TUBGCP2: variants seen among roughly 807,000 people sequenced by gnomAD.
TUBGCP2 encodes the protein gamma-tubulin complex component 2.
Under a neutral mutation model 92.2 loss-of-function variants are expected in TUBGCP2, and 55 were observed. The observed-to-expected ratio is 0.60, with a 90% CI of 0.48 to 0.75. The LOEUF (loss-of-function observed/expected upper bound fraction) is 0.75. TUBGCP2 is among the 30% of genes least tolerant of loss of function. The pLI, the probability that TUBGCP2 is intolerant of heterozygous loss-of-function variation, is 0.00. For missense variants in TUBGCP2, 1,093 were observed against 1,188.9 expected (o/e 0.92, Z 1.19); for synonymous variants, 533 against 505.2 (o/e 1.06, Z -0.74).
In TUBGCP2 at chr10:133,281,517, G is replaced by C. The variant is rs562845171; in HGVS notation, c.2410-81C>G. ...GGCTCCACACTGTTCCCAGCAGGCCGGTGTCCTTTCCCTTCCCCTTTTCTT... is the reference window on the plus strand; with the variant it reads ...GGCTCCACACTGTTCCCAGCAGGCCCGTGTCCTTTCCCTTCCCCTTTTCTT... On this transcript the variant is annotated intron_variant, in intron 16 of 17. Coordinates refer to ENST00000252936, the MANE Select transcript of TUBGCP2 (RefSeq NM_006659.4). 13 of 1,512,926 alleles carry C rather than the reference G, an allele frequency of 8.6e-6. No homozygotes were observed. In the South Asian group the frequency reaches 1.6e-4, roughly 19 times the overall value. 93.7% of individuals were successfully genotyped at this position (1,512,926 alleles called of 1,614,324 possible).
Position 133,285,097 on chromosome 10 carries a change from T to A in TUBGCP2, c.2012A>T (p.His671Leu). The change falls in exon 13 of 18, where the codon CAC becomes CTC. Residue 671 changes from histidine (H) to leucine (L), a missense_variant. Transcript: ENST00000252936. The surrounding 1 kb of genome is among the most constrained non-coding windows in gnomAD (Gnocchi z 6.8). ...AGGAAGAACGCACCACTGGGCGGAG[T>A]GCAGCGAGTGCTGCTTGGCGGTTTT... ...SNKTAKQHSL[H>L]SAQWFAGAFT... 3 of 1,607,204 alleles carry A rather than the reference T, an allele frequency of 1.9e-6. No homozygotes were observed. Among genetic ancestry groups the A allele is most frequent in the South Asian group, 1.1e-5 (1 of 90,908 alleles).
At chr10:133,303,708 A>T (rs1239416024) in intron 1 of TUBGCP2, among the ~76,000 whole-genome samples, 4 of 151,148 alleles carry the variant, frequency 2.6e-5, no homozygotes, top group Non-Finnish European at 5.9e-5. Flanking sequence ...TTACTTTTTC[A>T]CTCTGGTACC....
Position 133,285,003 on chromosome 10 carries a change from C to T in TUBGCP2, c.2024+82G>A. 6.6e-7 allele frequency: 1 copy of T among 1,509,914 alleles called. No homozygotes were observed. Among genetic ancestry groups the T allele is most frequent in the Non-Finnish European group, 8.8e-7 (1 of 1,130,946 alleles). The allele number at this position is 1,509,914 out of a possible 1,614,324, so 93.5% of individuals were successfully genotyped here. A position where few individuals can be genotyped will look rare whatever the true frequency, so the allele number is the denominator to read the frequency against. The stretch of plus-strand genomic sequence containing the variant: ...CCTAGAAAGCTGTCTACCAGGAGGG[C>T]ACAAGGGGGGCGCTGCACCACTGGG... On this transcript the variant is annotated intron_variant, in intron 13 of 17. Coordinates refer to ENST00000252936, the MANE Select transcript of TUBGCP2 (RefSeq NM_006659.4). The surrounding 1 kb of genome is among the most constrained non-coding windows in gnomAD (Gnocchi z 6.8).
intron 1 of TUBGCP2, among the ~76,000 whole-genome samples, chr10:133,307,142 T>C (rs3008354): frequency 0.21 from 32,169 of 152,246 alleles, 4,331 homozygotes; most frequent in African/African-American, 0.37. Context: ...TAGCCGTGGC[T>C]GCTTCTTGGA....
At chr10:133,283,266 C>CA in intron 14 of TUBGCP2, 45 bp from the exon 15 acceptor site, 2 of 1,612,140 alleles carry the variant, frequency 1.2e-6, no homozygotes, top group East Asian at 2.2e-5. Context: ...ACGTGGCTGA[C>CA]AGACGGGCCC....
Position 133,281,363 on chromosome 10 carries a change from T to C in TUBGCP2, c.2483A>G (p.Asn828Ser). Residue 828 changes from asparagine to serine, a missense_variant, in exon 17 of 18, where the codon AAC becomes AGC. Coordinates refer to ENST00000252936, the MANE Select transcript of TUBGCP2 (RefSeq NM_006659.4). ...FEATINKFDK[N>S]FSAHLLDLLA... Reference sequence around the variant, plus strand: ...GAGGTCCAGCAGGTGGGCTGAGAAGTTCTTGTCAAACTTGTTGATGGTGGC... The same window carrying C: ...GAGGTCCAGCAGGTGGGCTGAGAAGCTCTTGTCAAACTTGTTGATGGTGGC... 6.2e-7 allele frequency: 1 copy of C among 1,613,752 alleles called. No homozygotes were observed. Among genetic ancestry groups the C allele is most frequent in the Non-Finnish European group, 8.5e-7 (1 of 1,179,980 alleles).
upstream of TUBGCP2, chr10:133,311,526 A>G (rs1847987500): frequency 1.7e-6 from 1 of 577,872 alleles, no homozygotes; most frequent in South Asian, 2.3e-5. Context: ...TATATAAACA[A>G]TGGCCTTGCT....
chr10:133,287,804 C>T (rs758307260), intron 11 of TUBGCP2, among the ~76,000 whole-genome samples: 1 of 152,132 alleles, frequency 6.6e-6, no homozygotes, highest in African/African-American at 2.4e-5. Context: ...AACACCACTC[C>T]TGAAACCCTT....
At position 133,282,347 on chromosome 10, in the gene TUBGCP2, G is replaced by C. The variant is rs112390120; in HGVS notation, c.2290-5C>G. 3.0e-5 allele frequency: 47 copies of C among 1,584,304 alleles called. No individual in the cohort carries two copies. Among genetic ancestry groups the C allele is most frequent in the Admixed American group, 7.3e-5 (4 of 54,904 alleles). On this transcript the variant is annotated splice_polypyrimidine_tract_variant and splice_region_variant and intron_variant, in intron 15 of 17. Transcript: ENST00000252936. ...TTTCATGCTCTGTGTAAATTTCTAG[G>C]GGGGGAGAGTCGCAAGGAAATGCTT... is the stretch of plus-strand genomic sequence containing the variant.
At position 133,302,865 on chromosome 10, in the gene TUBGCP2, T is replaced by C. The variant is rs764922960; in HGVS notation, c.77A>G (p.Glu26Gly). The C allele has an allele frequency of 6.2e-7, 1 of 1,613,988 alleles. No homozygotes were observed. Among genetic ancestry groups the C allele is most frequent in the Admixed American group, 1.7e-5 (1 of 60,026 alleles). ...LLRVHGGDGA[E>G]VYIDLLQKNR... ...CTTTTGAAGCAGGTCAATGTAGACC[T>C]CAGCCCCATCTCCTCCGTGGACACG... is the stretch of plus-strand genomic sequence containing the variant. The change falls in exon 2 of 18, where the codon GAG (glutamate) becomes GGG (glycine). Residue 26 changes from glutamate (E) to glycine (G), a missense_variant. By Grantham distance (98) the Glu-to-Gly change is moderately conservative (BLOSUM62 -2). Coordinates refer to ENST00000252936, the MANE Select transcript of TUBGCP2 (RefSeq NM_006659.4).
Position 133,284,022 on chromosome 10 carries a change from G to T in TUBGCP2, c.2025-20C>A. On this transcript the variant is annotated intron_variant, in intron 13 of 17. Transcript: ENST00000252936. ...GCAAACCTGAGTGACACGGAGGACG[G>T]AGGACAGCCATGGAGGACGCGGCCC... The T allele has an allele frequency of 6.2e-7, 1 of 1,612,104 alleles. No individual in the cohort carries two copies. Among genetic ancestry groups the T allele is most frequent in the Non-Finnish European group, 8.5e-7 (1 of 1,179,154 alleles).
At chr10:133,303,677 A>C (rs560448847) in intron 1 of TUBGCP2, among the ~76,000 whole-genome samples, 1 of 152,308 alleles carries the variant, frequency 6.6e-6, no homozygotes, top group African/African-American at 2.4e-5. Flanking sequence ...CCGCAGCTCC[A>C]TTCACTTGGC....
At chr10:133,287,484 G>A (rs2136114471) in intron 11 of TUBGCP2, among the ~76,000 whole-genome samples, 1 of 152,318 alleles carries the variant, frequency 6.6e-6, no homozygotes, top group South Asian at 2.1e-4. Context: ...GCTCATGCCT[G>A]TAATCCCAGC....
Position 133,302,914 on chromosome 10 carries a change from C to T in TUBGCP2, c.28G>A (p.Val10Ile), listed in dbSNP as rs777557673. Reference sequence around the variant, plus strand: ...CGCAGCAGGCTAAGCAGTTCATTGACGTCATGGTGAATCCGAAATTCACTC... The same window carrying T: ...CGCAGCAGGCTAAGCAGTTCATTGATGTCATGGTGAATCCGAAATTCACTC... MSEFRIHHD[V>I]NELLSLLRVH... Residue 10 changes from valine (V) to isoleucine (I), a missense_variant, in exon 2 of 18, where the codon GTC becomes ATC. Val to Ile is a conservative substitution (Grantham distance 29, BLOSUM62 3). Around this residue, in one of 3 missense-constraint regions of TUBGCP2, gnomAD observed 490 missense variants for 488.5 expected, o/e 1.00. Coordinates refer to ENST00000252936, the MANE Select transcript of TUBGCP2 (RefSeq NM_006659.4). The T allele has an allele frequency of 4.3e-6, 7 of 1,614,056 alleles. No homozygotes were observed. The South Asian group carries it at 4.4e-5, about 10-fold the overall frequency.
upstream of TUBGCP2, chr10:133,312,029 G>A (rs1206135540): frequency 2.3e-5 from 35 of 1,535,520 alleles, no homozygotes; most frequent in Middle Eastern, 8.6e-4. Context: ...AGTTTCTCTC[G>A]CATACTCTGT....
At chr10:133,286,752 T>C (rs1847143552) in intron 11 of TUBGCP2, among the ~76,000 whole-genome samples, 1 of 151,970 alleles carries the variant, frequency 6.6e-6, no homozygotes, top group Non-Finnish European at 1.5e-5. Flanking sequence ...AACCAGAAAC[T>C]TCACAAACAT....
In TUBGCP2 at chr10:133,298,064, T is replaced by G; in HGVS notation, c.504A>C (p.Lys168Asn). The stretch of plus-strand genomic sequence containing the variant: ...AGATGGGGAGGTGCTGGCCTGAATT[T>G]TTTTTGTTCTGCTTGTCTCGAAGCA... ...RKMLRDKQNK[K>N]NSGQHLPIFP... The change falls in exon 5 of 18, where the codon AAA (lysine) becomes AAC (asparagine). Residue 168 changes from lysine to asparagine, a missense_variant. By Grantham distance (94) the Lys-to-Asn change is moderately conservative. Coordinates refer to ENST00000252936, the MANE Select transcript of TUBGCP2 (RefSeq NM_006659.4). 6.2e-7 allele frequency: 1 copy of G among 1,614,206 alleles called. No individual in the cohort carries two copies. The highest frequency in any genetic ancestry group is 8.5e-7 in the Non-Finnish European group (1 of 1,180,038).
At chr10:133,306,949 T>G (rs1388478530) in intron 1 of TUBGCP2, among the ~76,000 whole-genome samples, 2 of 152,168 alleles carry the variant, frequency 1.3e-5, no homozygotes, top group African/African-American at 4.8e-5. Context: ...CAGCCCGTAC[T>G]CGCACAGAGT....
chr10:133,293,777 C>A lies in TUBGCP2; in HGVS notation c.617-8G>T, dbSNP rs951807093. The A allele has an allele frequency of 6.4e-7, 1 of 1,574,306 alleles. No individual in the cohort carries two copies. The highest frequency in any genetic ancestry group is 1.9e-5 in the Admixed American group (1 of 53,572). On this transcript the variant is annotated splice_polypyrimidine_tract_variant and splice_region_variant and intron_variant, in intron 5 of 17. Transcript: ENST00000252936. ...AGGCCAGGGGCAACGTGCCTGCGGG[C>A]ACAGACAGCGCTGTGGCTCTGCAGC... is the stretch of plus-strand genomic sequence containing the variant.
Sources: allele counts gnomAD v4.1 joint callset (sites outside exome capture counted in the v4.1 genomes callset), GRCh38; gene constraint gnomAD v4.1.1; regional missense constraint gnomAD v4.1.1; non-coding constraint Gnocchi (gnomAD v3.1); transcripts MANE v1.5; gene names NCBI Gene and HGNC (gene_info 2026-07-23, HGNC 2026-07-21).